The following ABR variants were observed in gnomAD, a reference collection of about 807,000 sequenced individuals.
The protein encoded by ABR is ABR activator of RhoGEF and GTPase, also known as active breakpoint cluster region-related protein.
ABR carries 35 observed loss-of-function variants against 107.2 expected under a neutral mutation model. That is an observed-to-expected ratio of 0.33 (90% confidence interval 0.25 to 0.43). The LOEUF (loss-of-function observed/expected upper bound fraction) is 0.43, where lower values mean the gene tolerates loss of function less well. ABR is among the 20% of genes least tolerant of loss of function. The pLI is 1.00. For synonymous variants in ABR, 498 were observed against 462.0 expected (o/e 1.08, Z -1.00); for missense variants, 815 against 1,115.2 (o/e 0.73, Z 3.83).
Position 1,013,157 on chromosome 17 carries a change from G to A in ABR, c.1799C>T (p.Pro600Leu). 1 of 1,614,158 alleles carries A rather than the reference G, an allele frequency of 6.2e-7. No homozygotes were observed. The highest frequency in any genetic ancestry group is 8.5e-7 in the Non-Finnish European group (1 of 1,179,996). The change falls in exon 17 of 23, where the codon CCA becomes CTA. Residue 600 changes from proline (P) to leucine (L), a missense_variant. Physicochemically the swap from Pro to Leu is moderately conservative, Grantham distance 98. Coordinates refer to ENST00000302538, the MANE Select transcript of ABR (RefSeq NM_021962.5). Reference sequence around the variant, plus strand: ...CCAGTTCTTGGTCTCCACGGTTTGTGGGTCCAGCTGCAGAGAGAGAATGTG... The same window carrying A: ...CCAGTTCTTGGTCTCCACGGTTTGTAGGTCCAGCTGCAGAGAGAGAATGTG... ...IMGKGQIQLD[P>L]QTVETKNWHT...
In ABR at chr17:1,092,617, G is replaced by A. The variant is rs1232614369; in HGVS notation, c.346-767C>T. Among the ~76,000 whole-genome samples the A allele has an allele frequency of 2.0e-5, 3 of 152,116 alleles. No homozygotes were observed. Among genetic ancestry groups the A allele is most frequent in the South Asian group, 2.1e-4 (1 of 4,830 alleles). On this transcript the variant is annotated intron_variant, in intron 3 of 22. Coordinates refer to ENST00000302538, the MANE Select transcript of ABR (RefSeq NM_021962.5). This position sits in a 1 kb window ranked among gnomAD's most constrained non-coding sequence, Gnocchi z 4.6. ...CACCTTCCAGCCTAGCAGTGGGACC[G>A]TGGGATAACGGGACGTGCAGGCATT... is the stretch of plus-strand genomic sequence containing the variant.
intron 2 of ABR, among the ~76,000 whole-genome samples, chr17:1,121,805 C>T (rs1432835892): frequency 1.3e-5 from 2 of 152,164 alleles, no homozygotes; most frequent in African/African-American, 4.8e-5. Context: ...GGCCTCCTCC[C>T]CACTACCTTT....
intron 7 of ABR, among the ~76,000 whole-genome samples, chr17:1,073,270 T>C (rs2035403600): frequency 6.7e-6 from 1 of 149,112 alleles, no homozygotes; most frequent in African/African-American, 2.5e-5. Flanking sequence ...AGTCATACTC[T>C]CTCCCCAGTG....
chr17:1,103,202 CGG>C (rs1567761255), intron 2 of ABR, among the ~76,000 whole-genome samples: 1 of 152,084 alleles, frequency 6.6e-6, no homozygotes, highest in African/African-American at 2.4e-5. Flanking sequence ...TTCAATTCAC[CGG>C]AGTCTCAAAA....
At chr17:1,019,854 G>A (rs2071482107) in intron 16 of ABR, among the ~76,000 whole-genome samples, 1 of 152,218 alleles carries the variant, frequency 6.6e-6, no homozygotes, top group Non-Finnish European at 1.5e-5. Flanking sequence ...AGGGGAGCAG[G>A]TACTTGGGGG....
At chr17:1,012,536 ACT>A in intron 18 of ABR, 150 bp downstream of exon 18, 1 of 702,802 alleles carries the variant, frequency 1.4e-6, no homozygotes, top group Non-Finnish European at 2.6e-6. Context: ...CTCTGCGGCC[ACT>A]CTAGATCCAC....
At chr17:1,097,322 G>A (rs2037535033) in intron 3 of ABR, among the ~76,000 whole-genome samples, 1 of 152,192 alleles carries the variant, frequency 6.6e-6, no homozygotes, top group East Asian at 1.9e-4. Flanking sequence ...CGGACACAGT[G>A]GCTCACATCT....
chr17:1,185,654 TAAAAAAAAAAA>T (rs775804045), intron 1 of ABR, among the ~76,000 whole-genome samples: 188 of 39,348 alleles, frequency 4.8e-3, no homozygotes, highest in African/African-American at 0.018. Flanking sequence ...CAGAAAGAAA[TAAAAAAAAAAA>T]AAAAAAAAAA....
chr17:1,197,646 G>A (rs879858863), intron 1 of ABR, among the ~76,000 whole-genome samples: 1 of 151,652 alleles, frequency 6.6e-6, no homozygotes, highest in African/African-American at 2.4e-5. Flanking sequence ...CACATGAGGG[G>A]AGTGCCAGAC....
intron 1 of ABR, among the ~76,000 whole-genome samples, chr17:1,217,319 ATT>A (rs1483853277): frequency 6.6e-6 from 1 of 152,052 alleles, no homozygotes; most frequent in Non-Finnish European, 1.5e-5. Context: ...AAATTACAGG[ATT>A]TTCAGTTTCA....
chr17:1,142,414 G>A (rs1003460411), intron 1 of ABR, among the ~76,000 whole-genome samples: 12 of 151,904 alleles, frequency 7.9e-5, no homozygotes, highest in Non-Finnish European at 1.2e-4. Flanking sequence ...GAGAAACCCC[G>A]TCTCTACTAA....
chr17:1,109,159 G>GA, intron 2 of ABR: 45 of 1,275,348 alleles, frequency 3.5e-5, no homozygotes, highest in Non-Finnish European at 3.6e-5. Context: ...GCGGGAGGGG[G>GA]GGCAGGTCTA....
intron 4 of ABR, among the ~76,000 whole-genome samples, chr17:1,085,338 G>A (rs899893674): frequency 7.8e-5 from 11 of 141,440 alleles, no homozygotes; most frequent in African/African-American, 5.3e-5. Context: ...GGATGGTGTC[G>A]ATCTCCTGAC....
chr17:1,081,206 A>T (rs567291959), intron 5 of ABR, among the ~76,000 whole-genome samples: 41 of 152,330 alleles, frequency 2.7e-4, no homozygotes, highest in Non-Finnish European at 5.1e-4. Flanking sequence ...GTTGGGCTGG[A>T]AACCGCAGGG....
chr17:1,130,533 T>C (rs879266750), intron 1 of ABR, among the ~76,000 whole-genome samples: 1 of 152,118 alleles, frequency 6.6e-6, no homozygotes, highest in Non-Finnish European at 1.5e-5. Context: ...GCTCCACCTC[T>C]CCAGGGTCCT....
chr17:1,152,921 T>C (rs554325899), intron 1 of ABR, among the ~76,000 whole-genome samples: 1 of 152,222 alleles, frequency 6.6e-6, no homozygotes, highest in Non-Finnish European at 1.5e-5. Context: ...CAGTGAAACC[T>C]GTCTCTACTG....
At chr17:1,206,369 C>T (rs2042788905) in intron 1 of ABR, among the ~76,000 whole-genome samples, 1 of 152,186 alleles carries the variant, frequency 6.6e-6, no homozygotes, top group South Asian at 2.1e-4. Flanking sequence ...ATTAGACAAT[C>T]TGCATGATTC....
At chr17:1,124,329 C>G (rs2039491371) in intron 2 of ABR, among the ~76,000 whole-genome samples, 1 of 152,152 alleles carries the variant, frequency 6.6e-6, no homozygotes, top group African/African-American at 2.4e-5. Flanking sequence ...GACGGAGACC[C>G]CCTACAAAAC....
intron 1 of ABR, among the ~76,000 whole-genome samples, chr17:1,208,475 A>G (rs2042838760): frequency 6.6e-6 from 1 of 152,202 alleles, no homozygotes; most frequent in South Asian, 2.1e-4. Flanking sequence ...AACCAGTCTC[A>G]GAGCCACATC....
Sources: allele counts gnomAD v4.1 joint callset (sites outside exome capture counted in the v4.1 genomes callset), GRCh38; gene constraint gnomAD v4.1.1; non-coding constraint Gnocchi (gnomAD v3.1); transcripts MANE v1.5; gene names NCBI Gene and HGNC (gene_info 2026-07-23, HGNC 2026-07-21).